Variants in ADCY8 observed in about 807,000 individuals in gnomAD.
ADCY8 encodes the protein adenylate cyclase type 8.
A neutral mutation model predicts 119.7 loss-of-function variants in ADCY8; 51 were observed. That is an observed-to-expected ratio of 0.43 (90% CI 0.34 to 0.54). The LOEUF (loss-of-function observed/expected upper bound fraction) is 0.54. Among genes scored for constraint, ADCY8 ranks in the 20% least tolerant of loss-of-function variants. The pLI is 0.03. For missense variants in ADCY8, 1,383 were observed against 1,598.8 expected, an observed-to-expected ratio of 0.87 and a Z score of 2.30; for synonymous variants, 665 against 651.0, an observed-to-expected ratio of 1.02 and a Z score of -0.33.
chr8:130,922,963 A>AT (rs1820359862), intron 5 of ADCY8, among the ~76,000 whole-genome samples: 1 of 152,248 alleles, frequency 6.6e-6, no homozygotes, highest in African/African-American at 2.4e-5. Flanking sequence ...TTGTGAAGTA[A>AT]TTCAGGTAGA....
rs1819920032 is a variant in ADCY8 at position 130,909,825 on chromosome 8, A to G, written c.1523T>C (p.Ile508Thr). ...SRTKHDVDMR[I>T]GIHSGSVLCG... Reference sequence around the variant, plus strand: ...CAGCACCGAGCCGGAGTGGATTCCAATCCTCATGTCAACATCGTGTTTTGT... The same window carrying G: ...CAGCACCGAGCCGGAGTGGATTCCAGTCCTCATGTCAACATCGTGTTTTGT... Residue 508 changes from isoleucine to threonine, a missense_variant, in exon 6 of 18, where the codon ATT (isoleucine) becomes ACT (threonine). Physicochemically the swap from Ile to Thr is moderately conservative, Grantham distance 89. This residue lies in a region of ADCY8 where 928 missense variants were observed against 1,163.5 expected (regional missense o/e 0.80). Coordinates refer to ENST00000286355, the MANE Select transcript of ADCY8 (RefSeq NM_001115.3). The G allele has an allele frequency of 6.2e-7, 1 of 1,614,148 alleles. No homozygotes were observed. Among genetic ancestry groups the G allele is most frequent in the East Asian group, 2.2e-5 (1 of 44,890 alleles).
At chr8:130,957,832 C>A (rs1020429406) in intron 2 of ADCY8, among the ~76,000 whole-genome samples, 3 of 152,244 alleles carry the variant, frequency 2.0e-5, no homozygotes, top group Admixed American at 6.5e-5. Flanking sequence ...CCTGCGATTA[C>A]ATAGAAGTTA....
At chr8:131,036,905 G>GT (rs1160889292) in intron 1 of ADCY8, among the ~76,000 whole-genome samples, 6 of 152,202 alleles carry the variant, frequency 3.9e-5, no homozygotes, top group Non-Finnish European at 8.8e-5. Flanking sequence ...GCATGCTGTG[G>GT]TAAGAAGTTA....
intron 1 of ADCY8, among the ~76,000 whole-genome samples, chr8:131,026,103 GAA>G (rs2130802377): frequency 6.6e-6 from 1 of 152,324 alleles, no homozygotes; most frequent in South Asian, 2.1e-4. Context: ...GCTATGGTCT[GAA>G]TGTTTGTGTC....
intron 8 of ADCY8, among the ~76,000 whole-genome samples, chr8:130,876,370 G>A (rs1312162607): frequency 2.0e-5 from 3 of 152,078 alleles, no homozygotes; most frequent in African/African-American, 7.2e-5. Flanking sequence ...TGTTCTGGGA[G>A]GCTATTTCTG....
intron 1 of ADCY8, among the ~76,000 whole-genome samples, chr8:131,037,331 ATCT>A (rs1563777159): frequency 1.3e-5 from 2 of 152,188 alleles, no homozygotes; most frequent in Non-Finnish European, 2.9e-5. Flanking sequence ...GTTATTTTTA[ATCT>A]TCTCCCATCT....
chr8:130,800,316 G>T, intron 15 of ADCY8, 110 bp downstream of exon 15: 1 of 1,256,278 alleles, frequency 8.0e-7, no homozygotes, highest in Non-Finnish European at 1.1e-6. Flanking sequence ...ATGCAGGCTG[G>T]AATTCCGTTA....
intron 1 of ADCY8, among the ~76,000 whole-genome samples, chr8:131,009,617 G>A (rs562865753): frequency 6.6e-6 from 1 of 152,216 alleles, no homozygotes; most frequent in South Asian, 2.1e-4. Flanking sequence ...CCAATCTTGG[G>A]CATTTCTTCA....
At chr8:130,887,590 C>T in intron 7 of ADCY8, among the ~76,000 whole-genome samples, 1 of 152,154 alleles carries the variant, frequency 6.6e-6, no homozygotes, top group East Asian at 1.9e-4. Flanking sequence ...CCAGCAACCT[C>T]TCTAGCACCT....
chr8:130,845,316 G>A (rs1214460780), intron 11 of ADCY8, among the ~76,000 whole-genome samples: 3 of 152,156 alleles, frequency 2.0e-5, no homozygotes, highest in Non-Finnish European at 4.4e-5. Context: ...CATGTCAGAT[G>A]CCATGTGAAG....
At chr8:131,031,988 T>C (rs1005740741) in intron 1 of ADCY8, among the ~76,000 whole-genome samples, 7 of 152,196 alleles carry the variant, frequency 4.6e-5, no homozygotes, top group East Asian at 1.9e-4. Context: ...CACACACACA[T>C]ACATACACAC....
In ADCY8 at chr8:131,040,184, G is replaced by T; in HGVS notation, c.150C>A (p.Phe50Leu). 1.3e-6 allele frequency: 2 copies of T among 1,534,644 alleles called. No individual in the cohort carries two copies. Among genetic ancestry groups the T allele is most frequent in the Non-Finnish European group, 1.7e-6 (2 of 1,146,540 alleles). ...CGCTGCCTCCCCGGTGCCCGTGAAT[G>T]AAGCGCTGCTCCGTGATGTGTCGCA... ...TAVRHITEQR[F>L]IHGHRGGSGS... The change falls in exon 1 of 18, where the codon TTC becomes TTA. Residue 50 changes from phenylalanine to leucine, a missense_variant. Around this residue, in one of 2 missense-constraint regions of ADCY8, gnomAD observed 455 missense variants for 435.3 expected, o/e 1.05. Coordinates refer to ENST00000286355, the MANE Select transcript of ADCY8 (RefSeq NM_001115.3).
At chr8:130,868,029 G>A in intron 8 of ADCY8, 83 bp from the exon 9 acceptor site, 1 of 844,000 alleles carries the variant, frequency 1.2e-6, no homozygotes, top group Non-Finnish European at 1.8e-6. Context: ...GAAGAAACAA[G>A]GCAATTAGAT....
In ADCY8 at chr8:130,973,341, A is replaced by G. The variant is rs147815659; in HGVS notation, c.1110+17052T>C. On this transcript the variant is annotated intron_variant, in intron 2 of 17. Coordinates refer to ENST00000286355, the MANE Select transcript of ADCY8 (RefSeq NM_001115.3). ...CCAATGGGACAACAGCAAATGTGGCATAAACAGAATCTTCAAAATTGTTTG... is the reference window on the plus strand; with the variant it reads ...CCAATGGGACAACAGCAAATGTGGCGTAAACAGAATCTTCAAAATTGTTTG... Among the ~76,000 whole-genome samples the G allele has an allele frequency of 3.0e-3, 456 of 152,384 alleles. 5 individuals carry two copies. The South Asian group carries it at 0.044, about 15-fold the overall frequency.
Position 131,040,020 on chromosome 8 carries a change from C to T in ADCY8, c.314G>A (p.Gly105Asp). 1.3e-6 allele frequency: 2 copies of T among 1,556,436 alleles called. No individual in the cohort carries two copies. The highest frequency in any genetic ancestry group is 1.7e-6 in the Non-Finnish European group (2 of 1,153,804). ...GCTGCGTTCCGGGAAGACTTTGGTG[C>T]CGCAGGTGCTGTGCGCTCGCTCTCC... Reference protein sequence around the residue: ...GPGERAHSTCGTKVFPERSGS... With the variant: ...GPGERAHSTCDTKVFPERSGS... Residue 105 changes from glycine to aspartate, a missense_variant, in exon 1 of 18, where the codon GGC becomes GAC. By Grantham distance (94) the Gly-to-Asp change is moderately conservative. Transcript: ENST00000286355.
intron 8 of ADCY8, among the ~76,000 whole-genome samples, chr8:130,870,645 T>C (rs1477645658): frequency 6.6e-6 from 1 of 152,172 alleles, no homozygotes; most frequent in Non-Finnish European, 1.5e-5. Context: ...CATGATCCTA[T>C]GAAAAGATCC....
At chr8:131,003,206 T>TCA (rs1554624274) in intron 1 of ADCY8, among the ~76,000 whole-genome samples, 2,290 of 137,522 alleles carry the variant, frequency 0.017, 18 homozygotes, top group Middle Eastern at 0.034. Context: ...TGAAACACCA[T>TCA]CACACACACA....
intron 2 of ADCY8, among the ~76,000 whole-genome samples, chr8:130,974,891 C>T (rs565024857): frequency 2.0e-5 from 3 of 152,296 alleles, no homozygotes; most frequent in African/African-American, 4.8e-5. Context: ...TGTCTAGTCA[C>T]AAGTTTTGTG....
rs79196788 is a variant in ADCY8 at position 130,847,491 on chromosome 8, G to A, written c.2435C>T (p.Ser812Leu). 669 of 1,608,220 alleles carry A rather than the reference G, an allele frequency of 4.2e-4. No homozygotes were observed. Among genetic ancestry groups the A allele is most frequent in the Non-Finnish European group, 5.3e-4 (626 of 1,178,110 alleles). ...GAAAGTCAGGTTCTTCAAGGGTATC[G>A]ACTTGTCAAAATCACACCACAGCTG... ...LNILWCDFDK[S>L]IPLKNLTFNS... Residue 812 changes from serine to leucine, a missense_variant, in exon 11 of 18, where the codon TCG becomes TTG. This residue lies in a region of ADCY8 where 928 missense variants were observed against 1,163.5 expected (regional missense o/e 0.80). Coordinates refer to ENST00000286355, the MANE Select transcript of ADCY8 (RefSeq NM_001115.3).
Sources: gnomAD v4.1 joint callset for allele counts (sites outside exome capture counted in the v4.1 genomes callset) on GRCh38, gnomAD v4.1.1 for gene constraint, gnomAD v4.1.1 regional missense constraint, MANE v1.5 for transcripts, NCBI Gene and HGNC (gene_info 2026-07-23, HGNC 2026-07-21) for gene names.